The following WDR7 variants were observed in gnomAD, a reference collection of about 807,000 sequenced individuals.
The protein encoded by WDR7 is WD repeat-containing protein 7.
WDR7 carries 46 observed loss-of-function variants against 169.4 expected under a neutral mutation model. The ratio of observed to expected loss-of-function variants is 0.27; its 90% CI spans 0.21 to 0.35. The LOEUF is 0.35. WDR7 is among the 10% of genes least tolerant of loss of function. The pLI, the probability that WDR7 is intolerant of heterozygous loss-of-function variation, is 1.00. For missense variants in WDR7, 1,534 were observed against 1,859.3 expected, an observed-to-expected ratio of 0.83 and a Z score of 3.22; for synonymous variants, 612 against 666.8, an observed-to-expected ratio of 0.92 and a Z score of 1.27.
intron 21 of WDR7, among the ~76,000 whole-genome samples, chr18:56,899,847 CCATTGA>C (rs1022836893): frequency 6.6e-6 from 1 of 151,836 alleles, no homozygotes; most frequent in African/African-American, 2.4e-5. Context: ...TTTTATATTT[CCATTGA>C]CAAAGTGCTG....
At chr18:57,020,998 A>C in intron 27 of WDR7, 149 bp downstream of exon 27, 1 of 671,500 alleles carries the variant, frequency 1.5e-6, no homozygotes, top group East Asian at 2.7e-5. Flanking sequence ...ATTGCTGATG[A>C]TGTGCCAGGC....
At chr18:56,805,934 C>T (rs201844050) in intron 19 of WDR7, among the ~76,000 whole-genome samples, 5 of 152,150 alleles carry the variant, frequency 3.3e-5, no homozygotes, top group African/African-American at 7.2e-5. Flanking sequence ...TCCTGCTACC[C>T]GCTCTGTAGA....
At chr18:56,788,603 A>C (rs572453373) in intron 19 of WDR7, among the ~76,000 whole-genome samples, 23 of 151,988 alleles carry the variant, frequency 1.5e-4, no homozygotes, top group Non-Finnish European at 2.6e-4. Flanking sequence ...TGCTTGCTGG[A>C]CTACTTTCCT....
In WDR7 at chr18:56,700,349, C is replaced by T. The variant is rs527992699; in HGVS notation, c.1578+3887C>T. On this transcript the variant is annotated intron_variant, in intron 12 of 27. Coordinates refer to ENST00000254442, the MANE Select transcript of WDR7 (RefSeq NM_015285.3). ...TCGGCTCACTGCAACCTCCACCTCC[C>T]GGGTTCAAGTGATTCTCCTGCCTCA... is the stretch of plus-strand genomic sequence containing the variant. Among the ~76,000 whole-genome samples, 319 of 148,322 alleles carry T rather than the reference C, an allele frequency of 2.2e-3. 1 individual carries two copies. The highest frequency in any genetic ancestry group is 7.6e-3 in the African/African-American group (308 of 40,360).
intron 20 of WDR7, among the ~76,000 whole-genome samples, chr18:56,823,656 TC>T (rs1231759071): frequency 6.6e-6 from 1 of 152,090 alleles, no homozygotes; most frequent in African/African-American, 2.4e-5. Flanking sequence ...TATGTATACC[TC>T]AGTTAAAGGC....
At chr18:56,772,590 T>C (rs1173313763) in intron 16 of WDR7, among the ~76,000 whole-genome samples, 1 of 152,158 alleles carries the variant, frequency 6.6e-6, no homozygotes, top group Non-Finnish European at 1.5e-5. Context: ...GAAAGAAGTA[T>C]GATCTTAGTA....
chr18:56,875,025 C>T (rs1005966373), intron 20 of WDR7, among the ~76,000 whole-genome samples: 1 of 152,126 alleles, frequency 6.6e-6, no homozygotes, highest in African/African-American at 2.4e-5. Flanking sequence ...TTCTTAGACT[C>T]AACTAGGTCT....
At chr18:56,743,420 G>C (rs2043649428) in intron 14 of WDR7, among the ~76,000 whole-genome samples, 1 of 152,148 alleles carries the variant, frequency 6.6e-6, no homozygotes. Flanking sequence ...ATTTAGAGAA[G>C]GAGTGGTGTG....
chr18:56,998,439 G>A (rs1255478945), intron 26 of WDR7, among the ~76,000 whole-genome samples: 1 of 152,186 alleles, frequency 6.6e-6, no homozygotes, highest in Non-Finnish European at 1.5e-5. Context: ...GGGAGTCGGG[G>A]CATACTTCGT....
rs555140025 is a variant in WDR7, at chr18:56,726,084, A to G, written c.1775-5299A>G. 1.5e-3 allele frequency among the ~76,000 whole-genome samples: 233 copies of G among 152,322 alleles called. 1 individual carries two copies. Among genetic ancestry groups the G allele is most frequent in the Non-Finnish European group, 3.1e-3 (210 of 68,026 alleles). ...CTTGTAGTATAGTTTGAAGTCAGGT[A>G]GCATGATGCCTCCAGCTTTGTTCTT... On this transcript the variant is annotated intron_variant, in intron 13 of 27. Transcript: ENST00000254442.
chr18:56,905,623 CTATATA>C (rs10563010), intron 21 of WDR7, among the ~76,000 whole-genome samples: 299 of 147,048 alleles, frequency 2.0e-3, no homozygotes, highest in African/African-American at 7.0e-3. Flanking sequence ...TATTATGAAA[CTATATA>C]TATATATATA....
chr18:57,000,555 A>G (rs1484345900), intron 26 of WDR7, among the ~76,000 whole-genome samples: 4 of 152,148 alleles, frequency 2.6e-5, no homozygotes, highest in Non-Finnish European at 5.9e-5. Context: ...TTTTTGGAAG[A>G]GAATTTGCTC....
At chr18:56,740,521 A>G (rs940270399) in intron 14 of WDR7, among the ~76,000 whole-genome samples, 5 of 152,146 alleles carry the variant, frequency 3.3e-5, no homozygotes, top group African/African-American at 1.2e-4. Context: ...CCTCTTCTAG[A>G]GGGGGCTCAC....
intron 21 of WDR7, among the ~76,000 whole-genome samples, chr18:56,884,971 GT>G (rs2046166092): frequency 6.6e-6 from 1 of 152,308 alleles, no homozygotes; most frequent in South Asian, 2.1e-4. Flanking sequence ...ACAGGTCTCT[GT>G]GCAGAATGCC....
intron 22 of WDR7, among the ~76,000 whole-genome samples, chr18:56,929,242 C>CTCCA (rs1430992411): frequency 6.6e-6 from 1 of 152,006 alleles, no homozygotes; most frequent in Non-Finnish European, 1.5e-5. Context: ...TACCACTGTA[C>CTCCA]TCCAGCCTGG....
At chr18:56,931,222 C>G (rs185996200) in intron 22 of WDR7, among the ~76,000 whole-genome samples, 1 of 152,252 alleles carries the variant, frequency 6.6e-6, no homozygotes, top group East Asian at 1.9e-4. Context: ...TCAGATGACA[C>G]AAATGCGTTC....
At chr18:56,740,969 T>A (rs2043612568) in intron 14 of WDR7, among the ~76,000 whole-genome samples, 1 of 152,128 alleles carries the variant, frequency 6.6e-6, no homozygotes, top group Non-Finnish European at 1.5e-5. Context: ...CCAGTGATGG[T>A]CCTACTGCTT....
chr18:56,758,269 T>C (rs559041777), intron 15 of WDR7, among the ~76,000 whole-genome samples: 2 of 152,338 alleles, frequency 1.3e-5, no homozygotes, highest in Non-Finnish European at 2.9e-5. Context: ...TGTGTCAGTC[T>C]CTGTTGTAAG....
chr18:56,832,692 G>A (rs1161906057), intron 20 of WDR7, among the ~76,000 whole-genome samples: 1 of 152,186 alleles, frequency 6.6e-6, no homozygotes, highest in Non-Finnish European at 1.5e-5. Flanking sequence ...TGATACCTGG[G>A]CAAACAGGGT....
Sources: gnomAD v4.1 joint callset for allele counts (sites outside exome capture counted in the v4.1 genomes callset) on GRCh38, gnomAD v4.1.1 for gene constraint, MANE v1.5 for transcripts, NCBI Gene and HGNC (gene_info 2026-07-23, HGNC 2026-07-21) for gene names.